The following NELL1 variants were observed in gnomAD, a reference collection of about 807,000 sequenced individuals.
NELL1 encodes protein kinase C-binding protein NELL1.
Under a neutral mutation model 107.4 loss-of-function variants are expected in NELL1, and 76 were observed. That is an observed-to-expected ratio of 0.71 (90% CI 0.59 to 0.86). The LOEUF (loss-of-function observed/expected upper bound fraction) is 0.86. Ranked by LOEUF, NELL1 falls within the 40% of genes least tolerant of loss-of-function variation. The pLI, the probability that NELL1 is intolerant of heterozygous loss-of-function variation, is 0.00. For synonymous variants in NELL1, 353 were observed against 341.2 expected (o/e 1.03, Z -0.38); for missense variants, 1,024 against 1,005.5 (o/e 1.02, Z -0.25).
intron 14 of NELL1, among the ~76,000 whole-genome samples, chr11:21,286,472 GCC>G (rs1299137847): frequency 1.3e-5 from 2 of 152,096 alleles, no homozygotes; most frequent in African/African-American, 4.8e-5. Context: ...TAGCCAGATG[GCC>G]CCCTGCACCT....
intron 12 of NELL1, among the ~76,000 whole-genome samples, chr11:20,971,271 A>G (rs879563622): frequency 3.9e-5 from 6 of 152,134 alleles, no homozygotes; most frequent in African/African-American, 7.2e-5. Flanking sequence ...GGACTTTAGC[A>G]TATCTCCTTG....
At chr11:21,028,928 G>A (rs1186630877) in intron 12 of NELL1, among the ~76,000 whole-genome samples, 1 of 151,968 alleles carries the variant, frequency 6.6e-6, no homozygotes, top group African/African-American at 2.4e-5. Flanking sequence ...TTTCCCTCTG[G>A]TGGTTTCTGG....
chr11:20,804,082 A>G (rs1330510263), intron 3 of NELL1, among the ~76,000 whole-genome samples: 1 of 144,238 alleles, frequency 6.9e-6, no homozygotes, highest in Non-Finnish European at 1.5e-5. Context: ...TATATATTCC[A>G]TTAGTTCTGC....
intron 13 of NELL1, among the ~76,000 whole-genome samples, chr11:21,217,355 G>A (rs569279621): frequency 1.3e-5 from 2 of 152,148 alleles, no homozygotes; most frequent in Non-Finnish European, 2.9e-5. Context: ...GAAGCTAGGG[G>A]AAAGGTACAT....
At chr11:21,156,831 G>A (rs1187733722) in intron 13 of NELL1, among the ~76,000 whole-genome samples, 1 of 151,886 alleles carries the variant, frequency 6.6e-6, no homozygotes, top group Non-Finnish European at 1.5e-5. Context: ...GGTGGCTCAT[G>A]CCTGTAACCC....
At chr11:21,542,933 T>C (rs1385715030) in intron 16 of NELL1, among the ~76,000 whole-genome samples, 1 of 152,072 alleles carries the variant, frequency 6.6e-6, no homozygotes, top group Non-Finnish European at 1.5e-5. Flanking sequence ...AACATGAGTA[T>C]ATAAATTATT....
In NELL1 at chr11:21,006,839, G is replaced by A. The variant is rs143028547; in HGVS notation, c.1300+46279G>A. ...GTCTCTGACAACCCCACAGGGAAGC[G>A]GGCAGGCTGGGCCAAAGGAAATTCT... On this transcript the variant is annotated intron_variant, in intron 12 of 19. Transcript: ENST00000357134. Among the ~76,000 whole-genome samples, 273 of 152,162 alleles carry A rather than the reference G, an allele frequency of 1.8e-3. 2 individuals are homozygous for A. Among genetic ancestry groups the A allele is most frequent in the Admixed American group, 3.8e-3 (58 of 15,262 alleles).
At chr11:21,180,511 T>C (rs1856805185) in intron 13 of NELL1, among the ~76,000 whole-genome samples, 1 of 151,826 alleles carries the variant, frequency 6.6e-6, no homozygotes, top group African/African-American at 2.4e-5. Flanking sequence ...ACAATTTTTC[T>C]TTCTGTGAAA....
intron 1 of NELL1, among the ~76,000 whole-genome samples, chr11:20,674,039 C>G (rs1853986331): frequency 6.6e-6 from 1 of 152,112 alleles, no homozygotes; most frequent in Non-Finnish European, 1.5e-5. Context: ...ATCCAGAAGC[C>G]TAATTGATTT....
intron 13 of NELL1, among the ~76,000 whole-genome samples, chr11:21,196,883 CTTTTT>C (rs200792090): frequency 2.2e-5 from 3 of 136,282 alleles, no homozygotes; most frequent in Non-Finnish European, 3.2e-5. Flanking sequence ...CTTTTCTTTT[CTTTTT>C]TTTTTTTTTT....
intron 15 of NELL1, among the ~76,000 whole-genome samples, chr11:21,455,013 C>T (rs1945406): frequency 0.059 from 8,912 of 152,218 alleles, 555 homozygotes; most frequent in East Asian, 0.17. Context: ...ATCTTTTTGT[C>T]GTAGATCCAA....
intron 15 of NELL1, among the ~76,000 whole-genome samples, chr11:21,520,406 T>A (rs1375969433): frequency 6.6e-6 from 1 of 152,076 alleles, no homozygotes; most frequent in Admixed American, 6.5e-5. Context: ...AAATCCTAGA[T>A]TTGTGCCAGT....
At chr11:21,554,841 G>A (rs1388488240) in intron 16 of NELL1, among the ~76,000 whole-genome samples, 1 of 151,748 alleles carries the variant, frequency 6.6e-6, no homozygotes, top group Admixed American at 6.6e-5. Flanking sequence ...TGTCCCTATG[G>A]GGCTGGAACT....
chr11:21,465,468 T>C (rs1193770542), intron 15 of NELL1, among the ~76,000 whole-genome samples: 1 of 152,108 alleles, frequency 6.6e-6, no homozygotes, highest in Non-Finnish European at 1.5e-5. Context: ...CTAATCTATT[T>C]CCTGACAATA....
intron 14 of NELL1, among the ~76,000 whole-genome samples, chr11:21,232,442 A>G (rs1858088331): frequency 6.6e-6 from 1 of 152,154 alleles, no homozygotes; most frequent in South Asian, 2.1e-4. Context: ...AAAATGCTAT[A>G]CAAACTAAAG....
intron 16 of NELL1, among the ~76,000 whole-genome samples, chr11:21,552,510 A>T (rs543317827): frequency 1.5e-4 from 23 of 151,674 alleles, no homozygotes; most frequent in Non-Finnish European, 1.8e-4. Context: ...GAAAAAAAAG[A>T]CAAATTTAAA....
chr11:21,049,511 A>G (rs1853439323), intron 12 of NELL1, among the ~76,000 whole-genome samples: 1 of 152,066 alleles, frequency 6.6e-6, no homozygotes, highest in African/African-American at 2.4e-5. Flanking sequence ...AGAAACTTGT[A>G]AGGTCTGTCA....
chr11:21,420,954 A>T (rs568450307), intron 15 of NELL1, among the ~76,000 whole-genome samples: 1 of 152,284 alleles, frequency 6.6e-6, no homozygotes, highest in South Asian at 2.1e-4. Context: ...GCAACAAAAT[A>T]ATCAGTAAAG....
intron 13 of NELL1, among the ~76,000 whole-genome samples, chr11:21,172,894 C>T (rs2133814503): frequency 6.7e-6 from 1 of 150,030 alleles, no homozygotes; most frequent in South Asian, 2.1e-4. Context: ...TCTTGTAAGA[C>T]TTCACTCTTT....
Sources: gnomAD v4.1 joint callset for allele counts (sites outside exome capture counted in the v4.1 genomes callset) on GRCh38, gnomAD v4.1.1 for gene constraint, MANE v1.5 for transcripts, NCBI Gene and HGNC (gene_info 2026-07-23, HGNC 2026-07-21) for gene names.